The following ENTREP2 variants were observed in gnomAD, a reference collection of about 807,000 sequenced individuals.
ENTREP2 encodes protein ENTREP2.
At chr15:29,280,878 C>CT in the ENTREP2 span, among the ~76,000 whole-genome samples, 17 of 149,890 alleles carry the variant, frequency 1.1e-4, no homozygotes, top group East Asian at 3.9e-4. Flanking sequence ...AGAAGCAGTA[C>CT]TTTTTTTTTT....
the ENTREP2 span, among the ~76,000 whole-genome samples, chr15:29,251,209 T>C: frequency 6.6e-6 from 1 of 152,202 alleles, no homozygotes; most frequent in Non-Finnish European, 1.5e-5. Flanking sequence ...GACATGGCTC[T>C]GAAAGGTAGC....
chr15:29,163,519 A>G, the ENTREP2 span, among the ~76,000 whole-genome samples: 1 of 152,136 alleles, frequency 6.6e-6, no homozygotes, highest in African/African-American at 2.4e-5. Flanking sequence ...AGTAATGCAA[A>G]ATGCTCTGGA....
chr15:29,204,846 C>T, the ENTREP2 span, among the ~76,000 whole-genome samples: 5 of 152,206 alleles, frequency 3.3e-5, no homozygotes, highest in African/African-American at 9.6e-5. Flanking sequence ...AATTTACCAT[C>T]TTCACCATTT....
the ENTREP2 span, among the ~76,000 whole-genome samples, chr15:29,618,450 A>C: frequency 6.6e-6 from 1 of 151,884 alleles, no homozygotes; most frequent in Non-Finnish European, 1.5e-5. Context: ...ATGTTTTCAC[A>C]GATGATCCAG....
chr15:29,272,525 A>G, the ENTREP2 span, among the ~76,000 whole-genome samples: 201 of 152,324 alleles, frequency 1.3e-3, 1 homozygote, highest in African/African-American at 4.6e-3. Flanking sequence ...AGGTTCATAA[A>G]TTTGGAAAGA....
the ENTREP2 span, among the ~76,000 whole-genome samples, chr15:29,141,941 G>A: frequency 6.6e-6 from 1 of 152,172 alleles, no homozygotes; most frequent in African/African-American, 2.4e-5. Flanking sequence ...GGTGAGGCCT[G>A]TGTTCATTAT....
At chr15:29,463,831 T>C in the ENTREP2 span, among the ~76,000 whole-genome samples, 96 of 152,224 alleles carry the variant, frequency 6.3e-4, no homozygotes, top group African/African-American at 2.2e-3. Context: ...GCAGAACAGA[T>C]ATACAAAATG....
the ENTREP2 span, among the ~76,000 whole-genome samples, chr15:29,206,879 C>G: frequency 6.6e-6 from 1 of 152,198 alleles, no homozygotes; most frequent in East Asian, 1.9e-4. Flanking sequence ...GTTTTAATCC[C>G]TTCCGTGTTC....
At chr15:29,221,155 G>A in the ENTREP2 span, among the ~76,000 whole-genome samples, 3 of 151,770 alleles carry the variant, frequency 2.0e-5, no homozygotes, top group Non-Finnish European at 2.9e-5. Context: ...CACAGCAACC[G>A]TTCCTACAGC....
At chr15:29,410,096 T>C in the ENTREP2 span, among the ~76,000 whole-genome samples, 3 of 152,150 alleles carry the variant, frequency 2.0e-5, no homozygotes, top group African/African-American at 4.8e-5. Context: ...TGCTTTATCA[T>C]AGCAGAGAAC....
At chr15:29,219,663 A>ATG in the ENTREP2 span, among the ~76,000 whole-genome samples, 4 of 121,272 alleles carry the variant, frequency 3.3e-5, no homozygotes, top group African/African-American at 1.2e-4. Flanking sequence ...ATATATATAT[A>ATG]TGATGGAATA....
chr15:29,625,144 T>C, the ENTREP2 span, among the ~76,000 whole-genome samples: 3 of 152,334 alleles, frequency 2.0e-5, no homozygotes, highest in Admixed American at 2.0e-4. Context: ...CATTTCAAAT[T>C]GGCTGTTTTT....
At chr15:29,301,973 G>A in the ENTREP2 span, among the ~76,000 whole-genome samples, 71 of 152,126 alleles carry the variant, frequency 4.7e-4, 1 homozygote, top group Non-Finnish European at 1.3e-4. Flanking sequence ...TCTATGGTTT[G>A]TAAGTTACCC....
At chr15:29,622,000 G>A in the ENTREP2 span, among the ~76,000 whole-genome samples, 2 of 152,088 alleles carry the variant, frequency 1.3e-5, no homozygotes, top group African/African-American at 2.4e-5. Context: ...CTTATATGAG[G>A]TGCCTAGACT....
At chr15:29,611,988 T>C in the ENTREP2 span, among the ~76,000 whole-genome samples, 1 of 152,182 alleles carries the variant, frequency 6.6e-6, no homozygotes, top group Non-Finnish European at 1.5e-5. Flanking sequence ...GCAATCAAAT[T>C]CCCAAAATAT....
the ENTREP2 span, among the ~76,000 whole-genome samples, chr15:29,439,332 C>A: frequency 5.8e-5 from 6 of 103,702 alleles, no homozygotes; most frequent in African/African-American, 1.4e-4. Flanking sequence ...CACACACACA[C>A]AAACAGTAGA....
chr15:29,337,158 T>A, the ENTREP2 span, among the ~76,000 whole-genome samples: 1 of 152,206 alleles, frequency 6.6e-6, no homozygotes, highest in Non-Finnish European at 1.5e-5. Flanking sequence ...AAGAGTATCA[T>A]GGAGCTTAAG....
At chr15:29,370,766 G>A in the ENTREP2 span, among the ~76,000 whole-genome samples, 3 of 152,132 alleles carry the variant, frequency 2.0e-5, no homozygotes, top group East Asian at 5.8e-4. Flanking sequence ...CGGGCCTAGA[G>A]TGTGAGAGCA....
At chr15:29,159,107 G>T in the ENTREP2 span, among the ~76,000 whole-genome samples, 1 of 152,180 alleles carries the variant, frequency 6.6e-6, no homozygotes, top group Non-Finnish European at 1.5e-5. Context: ...CGAAGCTGTG[G>T]ACCCTCGCGC....
Sources: gnomAD v4.1 joint callset for allele counts (sites outside exome capture counted in the v4.1 genomes callset) on GRCh38, gnomAD v4.1.1 for gene constraint, MANE v1.5 for transcripts, NCBI Gene and HGNC (gene_info 2026-07-23, HGNC 2026-07-21) for gene names.